Variants in DDX19A observed in about 807,000 individuals in gnomAD.
DDX19A encodes the protein DEAD-box helicase 19A.
A neutral mutation model predicts 60.6 loss-of-function variants in DDX19A; 12 were observed. The ratio of observed to expected loss-of-function variants is 0.20; its 90% CI spans 0.13 to 0.32. The LOEUF (loss-of-function observed/expected upper bound fraction) is 0.32. DDX19A is among the 10% of genes least tolerant of loss of function. The pLI is 1.00. For missense variants in DDX19A, 337 were observed against 600.6 expected (o/e 0.56, Z 4.59); for synonymous variants, 206 against 218.2 (o/e 0.94, Z 0.49).
At position 70,370,215 on chromosome 16, in the gene DDX19A, T is replaced by C; in HGVS notation, c.1021-8T>C. Reference sequence around the variant, plus strand: ...ACTTTCATTTCTCAATTGTTTTTTTTCTTCCAGACTCGCAAAACAGCTAGT... The same window carrying C: ...ACTTTCATTTCTCAATTGTTTTTTTCCTTCCAGACTCGCAAAACAGCTAGT... On this transcript the variant is annotated splice_region_variant and splice_polypyrimidine_tract_variant and intron_variant, in intron 9 of 11. Transcript: ENST00000302243. 1.2e-6 allele frequency: 2 copies of C among 1,600,926 alleles called. No individual in the cohort carries two copies. The highest frequency in any genetic ancestry group is 1.7e-6 in the Non-Finnish European group (2 of 1,176,814).
intron 11 of DDX19A, 130 bp downstream of exon 11, chr16:70,371,693 T>C (rs886737273): frequency 9.5e-6 from 9 of 945,932 alleles, no homozygotes; most frequent in Non-Finnish European, 1.4e-5. Flanking sequence ...TCTGACCATA[T>C]GGCAGTTCTC....
intron 3 of DDX19A, 104 bp downstream of exon 3, chr16:70,355,639 T>C: frequency 7.9e-6 from 7 of 889,620 alleles, no homozygotes; most frequent in Non-Finnish European, 1.3e-5. Flanking sequence ...ATGAGAGGAA[T>C]CAGAGAAGGA....
intron 1 of DDX19A, among the ~76,000 whole-genome samples, chr16:70,349,312 T>TG (rs1225165710): frequency 2.6e-5 from 4 of 152,292 alleles, no homozygotes; most frequent in African/African-American, 7.2e-5. Context: ...AGGCTTTTAT[T>TG]GGGGGGCTGT....
At position 70,346,930 on chromosome 16, in the gene DDX19A, G is replaced by C; in HGVS notation, c.-62G>C. On this transcript the variant is annotated 5_prime_UTR_variant, in exon 1 of 12. Transcript: ENST00000302243. ...ATTCTCGCGCCGGTGGCGAGGTTAGGGCCCGCGTTGCGACGTGGTGCAGCG... is the reference window on the plus strand; with the variant it reads ...ATTCTCGCGCCGGTGGCGAGGTTAGCGCCCGCGTTGCGACGTGGTGCAGCG... The C allele has an allele frequency of 6.5e-7, 1 of 1,541,450 alleles. No individual in the cohort carries two copies. Among genetic ancestry groups the C allele is most frequent in the Non-Finnish European group, 8.8e-7 (1 of 1,132,224 alleles).
chr16:70,352,624 A>C (rs569572006), intron 2 of DDX19A, among the ~76,000 whole-genome samples: 2 of 131,614 alleles, frequency 1.5e-5, no homozygotes, highest in African/African-American at 2.9e-5. Flanking sequence ...CATTGTGTCG[A>C]TCTACCACGA....
intron 9 of DDX19A, among the ~76,000 whole-genome samples, chr16:70,367,939 G>A (rs1034706264): frequency 1.3e-5 from 2 of 151,822 alleles, no homozygotes; most frequent in Non-Finnish European, 2.9e-5. Context: ...ACCTTTGGAG[G>A]CCAAGGTAGA....
At chr16:70,369,162 C>T (rs558465426) in intron 9 of DDX19A, among the ~76,000 whole-genome samples, 152 of 140,358 alleles carry the variant, frequency 1.1e-3, no homozygotes, top group South Asian at 3.0e-3. Context: ...CCACCGTGCC[C>T]GGCCAATCTG....
At chr16:70,357,267 AAAAAT>A (rs1964226149) in intron 4 of DDX19A, among the ~76,000 whole-genome samples, 1 of 117,398 alleles carries the variant, frequency 8.5e-6, no homozygotes, top group Admixed American at 8.3e-5. Context: ...TCAAAAAAAA[AAAAAT>A]ATATATATAT....
intron 9 of DDX19A, among the ~76,000 whole-genome samples, chr16:70,369,594 A>G (rs1964621761): frequency 6.6e-6 from 1 of 150,410 alleles, no homozygotes; most frequent in African/African-American, 2.4e-5. Context: ...TTTGTGGTAT[A>G]AATTTTCTTT....
chr16:70,354,196 A>G (rs1003806297), intron 2 of DDX19A, among the ~76,000 whole-genome samples: 12 of 150,104 alleles, frequency 8.0e-5, no homozygotes, highest in African/African-American at 3.0e-4. Flanking sequence ...CCCAGGCTGG[A>G]GTGCAATGGC....
intron 2 of DDX19A, among the ~76,000 whole-genome samples, chr16:70,354,443 A>T (rs753581348): frequency 6.6e-6 from 1 of 152,150 alleles, no homozygotes; most frequent in Non-Finnish European, 1.5e-5. Context: ...CGCTGTGCCC[A>T]GCCACCAATT....
intron 3 of DDX19A, 101 bp from the exon 4 acceptor site, chr16:70,356,011 C>A: frequency 6.7e-7 from 1 of 1,488,414 alleles, no homozygotes; most frequent in Non-Finnish European, 9.2e-7. Context: ...TCCAGCCGTG[C>A]TTGACTGCCC....
intron 7 of DDX19A, chr16:70,365,618 T>TA (rs879832231): frequency 0.012 from 2,103 of 173,596 alleles, no homozygotes; most frequent in South Asian, 0.03. Flanking sequence ...AGACAAAAAA[T>TA]AAAAAAAAAA....
At chr16:70,370,519 TA>T in intron 10 of DDX19A, 134 bp downstream of exon 10, 1 of 1,323,388 alleles carries the variant, frequency 7.6e-7, no homozygotes, top group South Asian at 1.8e-5. Context: ...TATTCCTTTC[TA>T]GGAGAGACTG....
chr16:70,347,988 C>A (rs1019925583), intron 1 of DDX19A: 8 of 449,700 alleles, frequency 1.8e-5, no homozygotes, highest in Non-Finnish European at 2.7e-5. Context: ...CCGCGCCCAG[C>A]CGGTATGGGG....
intron 5 of DDX19A, among the ~76,000 whole-genome samples, chr16:70,362,306 C>T (rs1351673069): frequency 2.1e-5 from 3 of 142,608 alleles, no homozygotes; most frequent in African/African-American, 7.9e-5. Context: ...AGACATGCCA[C>T]TGCACTCTAG....
intron 10 of DDX19A, 69 bp from the exon 11 acceptor site, chr16:70,371,303 A>G (rs1262567785): frequency 6.2e-7 from 1 of 1,613,832 alleles, no homozygotes; most frequent in Non-Finnish European, 8.5e-7. Flanking sequence ...GCATTGACCT[A>G]CCTATGGATG....
rs1330146811 is a variant in DDX19A at position 70,364,553 on chromosome 16, C to T, written c.397C>T (p.Leu133=). The change falls in exon 6 of 12, where the codon CTG becomes TTG. Residue 133 remains leucine (L), a synonymous_variant. Coordinates refer to ENST00000302243, the MANE Select transcript of DDX19A (RefSeq NM_018332.5). ...TCTTCCTTGATCCAGCCCACAGAATCTGATTGCCCAGTCTCAGTCTGGCAC... is the reference window on the plus strand; with the variant it reads ...TCTTCCTTGATCCAGCCCACAGAATTTGATTGCCCAGTCTCAGTCTGGCAC... ...PMMLAEPPQN[L]IAQSQSGTGK... The T allele has an allele frequency of 6.2e-7, 1 of 1,613,330 alleles. No individual in the cohort carries two copies.
chr16:70,371,252 G>A lies in DDX19A; in HGVS notation c.1184-120G>A, dbSNP rs1296782972. ...TGTGCCCTCTCTTGTACCCAGAGTT[G>A]GCCTGTCCCAAATTCTTTCCCTCTA... On this transcript the variant is annotated intron_variant, in intron 10 of 11. Transcript: ENST00000302243. The A allele has an allele frequency of 1.9e-6, 3 of 1,568,574 alleles. No individual in the cohort carries two copies. In the African/African-American group the frequency reaches 4.0e-5, roughly 21 times the overall value.
Sources: gnomAD v4.1 joint callset for allele counts (sites outside exome capture counted in the v4.1 genomes callset) on GRCh38, gnomAD v4.1.1 for gene constraint, MANE v1.5 for transcripts, NCBI Gene and HGNC (gene_info 2026-07-23, HGNC 2026-07-21) for gene names.